The following LGALS4 variants were observed in gnomAD, a reference collection of about 807,000 sequenced individuals.
The protein encoded by LGALS4 is galectin 4, also known as galectin-4.
In LGALS4, 37 loss-of-function variants were observed where a neutral mutation model predicts 39.6. The observed-to-expected ratio is 0.93, with a 90% confidence interval of 0.72 to 1.23. LGALS4 has a LOEUF of 1.23. Among genes scored for constraint, LGALS4 ranks in the 50% most tolerant of loss-of-function variants. The pLI is 0.00. For missense variants in LGALS4, 397 were observed against 433.2 expected (o/e 0.92, Z 0.74); for synonymous variants, 160 against 165.5 (o/e 0.97, Z 0.25).
Position 38,801,926 on chromosome 19 carries a change from T to A in LGALS4, c.826-16A>T. The stretch of plus-strand genomic sequence containing the variant: ...GAATGGACAGCTGCAGGGAGAAGGG[T>A]GGGCATGAGGCCAGGGCCAGGACTG... On this transcript the variant is annotated splice_polypyrimidine_tract_variant and intron_variant, in intron 9 of 9. Transcript: ENST00000307751. 6.2e-7 allele frequency: 1 copy of A among 1,613,764 alleles called. No individual in the cohort carries two copies. Among genetic ancestry groups the A allele is most frequent in the Non-Finnish European group, 8.5e-7 (1 of 1,179,886 alleles).
At chr19:38,809,895 C>G (rs1971472668) in intron 2 of LGALS4, among the ~76,000 whole-genome samples, 1 of 152,076 alleles carries the variant, frequency 6.6e-6, no homozygotes, top group South Asian at 2.1e-4. Context: ...TTTGGGTCTC[C>G]CTGCTCCCCT....
In LGALS4 at chr19:38,803,791, G is replaced by C. The variant is rs1273172781; in HGVS notation, c.502-11C>G. Reference sequence around the variant, plus strand: ...GCAATGTCCGGGACCCTGAACGATGGACAGAAGGCAGGAAGGGTGAGAGGG... The same window carrying C: ...GCAATGTCCGGGACCCTGAACGATGCACAGAAGGCAGGAAGGGTGAGAGGG... On this transcript the variant is annotated splice_polypyrimidine_tract_variant and intron_variant, in intron 5 of 9. Coordinates refer to ENST00000307751, the MANE Select transcript of LGALS4 (RefSeq NM_006149.4). The C allele has an allele frequency of 1.2e-6, 2 of 1,613,634 alleles. No individual in the cohort carries two copies. The highest frequency in any genetic ancestry group is 1.3e-5 in the African/African-American group (1 of 74,874).
chr19:38,811,290 A>T (rs1027803330), intron 2 of LGALS4, among the ~76,000 whole-genome samples: 6 of 152,068 alleles, frequency 3.9e-5, no homozygotes, highest in Non-Finnish European at 5.9e-5. Flanking sequence ...CCCTAGTGCC[A>T]GGACACAGAA....
At position 38,806,402 on chromosome 19, in the gene LGALS4, A is replaced by T. The variant is rs998505623; in HGVS notation, c.474+59T>A. 6.5e-6 allele frequency: 10 copies of T among 1,539,836 alleles called. No individual in the cohort carries two copies. The Admixed American group carries it at 1.5e-4, about 23-fold the overall frequency. ...AGAAAAAAAGAAAAAAAGAAAAAAA[A>T]TGAATGTGGAACTGAATTTAGAAAG... On this transcript the variant is annotated intron_variant, in intron 4 of 9. Transcript: ENST00000307751.
intron 4 of LGALS4, among the ~76,000 whole-genome samples, chr19:38,806,133 C>T (rs1375392480): frequency 2.0e-5 from 3 of 151,528 alleles, no homozygotes; most frequent in Admixed American, 6.6e-5. Context: ...TTTGGGAAGT[C>T]GAGGTGGGTG....
intron 2 of LGALS4, 46 bp downstream of exon 2, chr19:38,812,385 G>A: frequency 1.3e-6 from 2 of 1,563,592 alleles, no homozygotes; most frequent in African/African-American, 1.4e-5. Context: ...AGAGCACCCA[G>A]TTGGAAGTCC....
rs769629325 is a variant in LGALS4 at position 38,801,725 on chromosome 19, T to A, written c.*39A>T. On this transcript the variant is annotated 3_prime_UTR_variant, in exon 10 of 10. Transcript: ENST00000307751. The stretch of plus-strand genomic sequence containing the variant: ...GGGCTTAGAAAGGAGTCCTAGGGGA[T>A]AATTCTGTTTTCCCATGAGTTATGG... The A allele has an allele frequency of 3.1e-6, 5 of 1,607,328 alleles. No individual in the cohort carries two copies. Among genetic ancestry groups the A allele is most frequent in the Non-Finnish European group, 4.3e-6 (5 of 1,175,270 alleles).
chr19:38,810,488 G>A (rs1209307248), intron 2 of LGALS4, among the ~76,000 whole-genome samples: 1 of 148,244 alleles, frequency 6.7e-6, no homozygotes, highest in African/African-American at 2.5e-5. Context: ...TCAGCCTCCC[G>A]AGTAGCTGGG....
chr19:38,806,993 G>C (rs930701924), intron 3 of LGALS4, among the ~76,000 whole-genome samples: 1 of 150,926 alleles, frequency 6.6e-6, no homozygotes, highest in African/African-American at 2.4e-5. Flanking sequence ...ATTGGGAGTC[G>C]ATAGTCTTGG....
At chr19:38,809,035 G>A in intron 2 of LGALS4, 87 bp from the exon 3 acceptor site, 1 of 1,176,248 alleles carries the variant, frequency 8.5e-7, no homozygotes, top group Non-Finnish European at 1.2e-6. Context: ...CTGCCGCCCT[G>A]TCCTCGGCCT....
Position 38,802,085 on chromosome 19 carries a change from A to G in LGALS4, c.732T>C (p.Gly244=). The part of the protein sequence containing the change: ...ALHINPRMGN[G]TVVRNSLLNG... ...TCAGAAGGCTGTTCCGGACCACGGT[A>G]CCGTTGCCCATGCGGGGATTAATGT... The change falls in exon 9 of 10, where the codon GGT becomes GGC. Residue 244 remains glycine (G), a synonymous_variant. Transcript: ENST00000307751. 1 of 1,614,216 alleles carries G rather than the reference A, an allele frequency of 6.2e-7. No individual in the cohort carries two copies. Among genetic ancestry groups the G allele is most frequent in the African/African-American group, 1.3e-5 (1 of 75,054 alleles).
chr19:38,810,553 G>A (rs1217673840), intron 2 of LGALS4, among the ~76,000 whole-genome samples: 1 of 151,650 alleles, frequency 6.6e-6, no homozygotes, highest in East Asian at 1.9e-4. Context: ...TAGTAGAGAC[G>A]GGGTTTCACT....
intron 7 of LGALS4, 129 bp downstream of exon 7, chr19:38,803,393 C>G (rs73933059): frequency 2.7e-5 from 24 of 901,450 alleles, no homozygotes; most frequent in Middle Eastern, 3.1e-4. Context: ...AACCTGACCA[C>G]GAACTCTATC....
chr19:38,808,243 G>A (rs1160941638), intron 3 of LGALS4, among the ~76,000 whole-genome samples: 2 of 151,808 alleles, frequency 1.3e-5, no homozygotes, highest in African/African-American at 2.4e-5. Context: ...GAGGGAAGGA[G>A]AGAGAAGGAA....
chr19:38,812,538 G>A lies in LGALS4; in HGVS notation c.46-19C>T, dbSNP rs1419228189. 1.2e-6 allele frequency: 2 copies of A among 1,610,874 alleles called. No individual in the cohort carries two copies. The highest frequency in any genetic ancestry group is 1.7e-6 in the Non-Finnish European group (2 of 1,177,164). ...GCAGCGTCTGGAGAAGAGGCCTGGT[G>A]AGGGGACTCACAAGCCATCTGCCTG... On this transcript the variant is annotated intron_variant, in intron 1 of 9. Transcript: ENST00000307751.
rs1971455239 is a variant in LGALS4 at position 38,808,813 on chromosome 19, C to T, written c.270G>A (p.Lys90=). The T allele has an allele frequency of 1.9e-6, 3 of 1,614,178 alleles. No individual in the cohort carries two copies. Among genetic ancestry groups the T allele is most frequent in the South Asian group, 1.1e-5 (1 of 91,086 alleles). Reference sequence around the variant, plus strand: ...CACCCTTTTTGAAGGGCATGCTCCTCTTCCTCTCCTCGCTGCCCCACTTCC... The same window carrying T: ...CACCCTTTTTGAAGGGCATGCTCCTTTTCCTCTCCTCGCTGCCCCACTTCC... ...QGGKWGSEER[K]RSMPFKKGAA... is the part of the protein sequence containing the mutation. Residue 90 remains lysine, a synonymous_variant, in exon 3 of 10, where the codon AAG becomes AAA. Coordinates refer to ENST00000307751, the MANE Select transcript of LGALS4 (RefSeq NM_006149.4).
intron 2 of LGALS4, among the ~76,000 whole-genome samples, chr19:38,811,283 TAG>T (rs994713514): frequency 3.9e-5 from 6 of 152,014 alleles, no homozygotes; most frequent in Non-Finnish European, 5.9e-5. Flanking sequence ...CCTCCATCCC[TAG>T]TGCCAGGACA....
intron 2 of LGALS4, among the ~76,000 whole-genome samples, chr19:38,811,599 A>ATATT: frequency 6.6e-6 from 1 of 152,100 alleles, no homozygotes; most frequent in African/African-American, 2.4e-5. Flanking sequence ...TGGAGGCCGA[A>ATATT]GTGAGCTATA....
intron 2 of LGALS4, among the ~76,000 whole-genome samples, chr19:38,809,990 C>T (rs1220143185): frequency 1.3e-5 from 2 of 152,190 alleles, no homozygotes; most frequent in Non-Finnish European, 2.9e-5. Flanking sequence ...CCCCTGGGCA[C>T]ACCAGCATCC....
Sources: gnomAD v4.1 joint callset for allele counts (sites outside exome capture counted in the v4.1 genomes callset) on GRCh38, gnomAD v4.1.1 for gene constraint, MANE v1.5 for transcripts, NCBI Gene and HGNC (gene_info 2026-07-23, HGNC 2026-07-21) for gene names.